Variants in CAPN15 observed in about 807,000 individuals in gnomAD.
CAPN15 encodes calpain 15.
Under a neutral mutation model 97.9 loss-of-function variants are expected in CAPN15, and 53 were observed. That is an observed-to-expected ratio of 0.54 (90% CI 0.43 to 0.68). The LOEUF (loss-of-function observed/expected upper bound fraction) is 0.68. Among genes scored for constraint, CAPN15 ranks in the 30% least tolerant of loss-of-function variants. CAPN15 has a pLI of 0.00. For missense variants in CAPN15, 1,592 were observed against 1,589.8 expected, an observed-to-expected ratio of 1.00 and a Z score of -0.02; for synonymous variants, 922 against 722.5, an observed-to-expected ratio of 1.28 and a Z score of -4.43.
chr16:553,046 GCCCCCGCCCCTGCC>G lies in CAPN15; in HGVS notation c.3083+11_3083+24del, dbSNP rs746341412. On this transcript the variant is annotated splice_donor_region_variant and intron_variant, in intron 13 of 13. Transcript: ENST00000219611. ...TAGCGTGCCACCCCTGCACAGGTGC[GCCCCCGCCCCTGCC>G]CCCCCACCCCTGCACAGGTGCCCCC... The G allele has an allele frequency of 3.3e-5, 46 of 1,375,558 alleles. 1 individual carries two copies. The highest frequency in any genetic ancestry group is 2.7e-4 in the Middle Eastern group (1 of 3,654). 85.2% of individuals were successfully genotyped at this position (1,375,558 alleles called of 1,614,324 possible). A position where few individuals can be genotyped will look rare whatever the true frequency, so the allele number is the denominator to read the frequency against.
Position 549,732 on chromosome 16 carries a change from GC to G in CAPN15, c.1965del (p.Cys656ValfsTer28). The G allele has an allele frequency of 6.3e-7, 1 of 1,581,948 alleles. No homozygotes were observed. Among genetic ancestry groups the G allele is most frequent in the Non-Finnish European group, 8.6e-7 (1 of 1,164,898 alleles). On this transcript the variant is annotated frameshift_variant, in exon 7 of 14. Coordinates refer to ENST00000219611, the MANE Select transcript of CAPN15 (RefSeq NM_005632.3). LOFTEE classifies it high-confidence loss of function. ...AIEGLATLTG[A>X]PCESLALQLS... The stretch of plus-strand genomic sequence containing the variant: ...CGAAGGCCTGGCCACGCTCACCGGC[GC>G]CCCCTGTGAGAGCCTGGCGCTGCAG...
chr16:544,387 C>T (rs1255807960), intron 3 of CAPN15, among the ~76,000 whole-genome samples: 4 of 151,972 alleles, frequency 2.6e-5, no homozygotes, highest in East Asian at 1.9e-4. Context: ...ACCGAGGCCC[C>T]GGGGGACAGA....
rs1241562896 is a variant in CAPN15 at position 535,813 on chromosome 16, GC to G, written c.-136-213del. Reference sequence around the variant, plus strand: ...TGAAACAGCCTGGCCCACAGCAGAGGCCCGGGGGGCACATGCAGCTCACGGG... The same window carrying G: ...TGAAACAGCCTGGCCCACAGCAGAGGCCGGGGGGCACATGCAGCTCACGGG... On this transcript the variant is annotated intron_variant, in intron 2 of 13. Transcript: ENST00000219611. This position sits in a 1 kb window ranked among gnomAD's most constrained non-coding sequence, Gnocchi z 6.2. Among the ~76,000 whole-genome samples the G allele has an allele frequency of 6.6e-6, 1 of 152,056 alleles. No homozygotes were observed. Among genetic ancestry groups the G allele is most frequent in the Non-Finnish European group, 1.5e-5 (1 of 67,970 alleles).
intron 7 of CAPN15, among the ~76,000 whole-genome samples, chr16:550,794 T>G (rs199531309): frequency 4.9e-3 from 8 of 1,632 alleles, no homozygotes; most frequent in South Asian, 0.021. Context: ...TCGGTGAGGG[T>G]CCCGGTCGGT....
intron 7 of CAPN15, among the ~76,000 whole-genome samples, chr16:550,932 C>A (rs1274541267): frequency 9.8e-6 from 1 of 101,846 alleles, no homozygotes; most frequent in Non-Finnish European, 1.8e-5. Flanking sequence ...GGTCCCCTTT[C>A]GGTGAGGGTC....
intron 7 of CAPN15, among the ~76,000 whole-genome samples, chr16:550,236 C>T (rs2034894558): frequency 6.6e-6 from 1 of 152,226 alleles, no homozygotes; most frequent in Admixed American, 6.5e-5. Context: ...CAGGGGCCTC[C>T]TCGGAGTGCC....
At position 547,932 on chromosome 16, in the gene CAPN15, G is replaced by A. The variant is rs1330663140; in HGVS notation, c.1094G>A (p.Cys365Tyr). 1 of 1,603,036 alleles carries A rather than the reference G, an allele frequency of 6.2e-7. No individual in the cohort carries two copies. Among genetic ancestry groups the A allele is most frequent in the Admixed American group, 1.7e-5 (1 of 59,090 alleles). The change falls in exon 4 of 14, where the codon TGC (cysteine) becomes TAC (tyrosine). Residue 365 changes from cysteine to tyrosine, a missense_variant. By Grantham distance (194) the Cys-to-Tyr change is radical. Around this residue, in one of 3 missense-constraint regions of CAPN15, gnomAD observed 883 missense variants for 776.6 expected, o/e 1.14. Transcript: ENST00000219611. ...GCCCCCAGGTGCTCGGCCTGCGGCT[G>A]CTCCAAACTGCACGGCTTCCAGGAG... ...TVAPRCSACG[C>Y]SKLHGFQEHG...
At chr16:549,527 C>A in intron 6 of CAPN15, 56 bp downstream of exon 6, 1 of 1,526,228 alleles carries the variant, frequency 6.6e-7, no homozygotes, top group South Asian at 1.2e-5. Context: ...GACCCCAGCC[C>A]CGAAAACAAG....
chr16:532,061 G>A (rs865954175), intron 1 of CAPN15, among the ~76,000 whole-genome samples: 4 of 152,018 alleles, frequency 2.6e-5, no homozygotes, highest in African/African-American at 7.2e-5. Context: ...CCAAAATGGC[G>A]AAACCCCATC....
rs2035295740 is a variant in CAPN15, at chr16:554,243, TGCCAGAGAGGGACCCCA to T, written c.*730_*746del. The stretch of plus-strand genomic sequence containing the variant: ...CCAACCCTGTCCCTCGGCCCGGCCC[TGCCAGAGAGGGACCCCA>T]GCACATCGTGGGCACGGGCAGGGCT... On this transcript the variant is annotated 3_prime_UTR_variant, in exon 14 of 14. Coordinates refer to ENST00000219611, the MANE Select transcript of CAPN15 (RefSeq NM_005632.3). The T allele has an allele frequency of 3.0e-6, 1 of 331,396 alleles. No homozygotes were observed. Among genetic ancestry groups the T allele is most frequent in the Admixed American group, 3.9e-5 (1 of 25,642 alleles). 20.5% of individuals were successfully genotyped at this position (331,396 alleles called of 1,614,324 possible). A position where few individuals can be genotyped will look rare whatever the true frequency, so the allele number is the denominator to read the frequency against.
At position 545,977 on chromosome 16, in the gene CAPN15, A is replaced by G. The variant is rs1374811733; in HGVS notation, c.-22-840A>G. 2.0e-5 allele frequency among the ~76,000 whole-genome samples: 3 copies of G among 152,316 alleles called. No individual in the cohort carries two copies. In the East Asian group the frequency reaches 5.8e-4, roughly 29 times the overall value. ...ATGGCGGGGAGAGGCCTGGCTGTCT[A>G]CGGGCAGATTGCTTGGGCTTTCACA... On this transcript the variant is annotated intron_variant, in intron 3 of 13. Transcript: ENST00000219611.
chr16:551,213 G>T, intron 7 of CAPN15, 89 bp from the exon 8 acceptor site: 1 of 1,486,288 alleles, frequency 6.7e-7, no homozygotes, highest in African/African-American at 1.5e-5. Context: ...TCCCCAGTCG[G>T]TGAGGGTCCC....
chr16:536,972 G>A (rs1596326025), intron 3 of CAPN15: 1 of 246,900 alleles, frequency 4.1e-6, no homozygotes, highest in Non-Finnish European at 6.5e-6. Flanking sequence ...CAGGGCCCCC[G>A]GCACCCCTCA....
rs2035150511 is a variant in CAPN15 at position 552,341 on chromosome 16, A to G, written c.2548A>G (p.Ile850Val). The G allele has an allele frequency of 3.1e-6, 5 of 1,590,486 alleles. No individual in the cohort carries two copies. Among genetic ancestry groups the G allele is most frequent in the Non-Finnish European group, 4.3e-6 (5 of 1,173,184 alleles). ...AVDSHLLDLC[I>V]LVFRATFGSG... is the part of the protein sequence containing the mutation. ...GGACAGCCACCTGCTGGACCTGTGC[A>G]TCCTGGTGTTCCGGGCCACGTTCGG... is the stretch of plus-strand genomic sequence containing the variant. The change falls in exon 11 of 14, where the codon ATC (isoleucine) becomes GTC (valine). Residue 850 changes from isoleucine to valine, a missense_variant. Transcript: ENST00000219611. This position sits in a 1 kb window ranked among gnomAD's most constrained non-coding sequence, Gnocchi z 6.4.
In CAPN15 at chr16:537,032, A is replaced by G. The variant is rs538802816; in HGVS notation, c.-23+890A>G. 3.4e-4 allele frequency: 202 copies of G among 595,312 alleles called. No individual in the cohort carries two copies. The African/African-American group carries it at 3.8e-3, about 11-fold the overall frequency. 36.9% of individuals were successfully genotyped at this position (595,312 alleles called of 1,614,324 possible). A position where few individuals can be genotyped will look rare whatever the true frequency, so the allele number is the denominator to read the frequency against. On this transcript the variant is annotated intron_variant, in intron 3 of 13. Transcript: ENST00000219611. ...CGGATCGGGGCGGTTCAGCGATACC[A>G]TCTCTGGAGATCCCCTGGCGTGTGC... is the stretch of plus-strand genomic sequence containing the variant.
chr16:546,057 C>T (rs892940029), intron 3 of CAPN15, among the ~76,000 whole-genome samples: 3 of 152,232 alleles, frequency 2.0e-5, no homozygotes, highest in African/African-American at 4.8e-5. Context: ...TCCAGCTGGA[C>T]GCCCTGAGCC....
At chr16:551,917 G>A in intron 9 of CAPN15, 134 bp from the exon 10 acceptor site, 1 of 1,103,948 alleles carries the variant, frequency 9.1e-7, no homozygotes, top group Non-Finnish European at 1.3e-6. Flanking sequence ...GGCCCCCGGG[G>A]GCCGGGCTGC....
Position 527,913 on chromosome 16 carries a change from C to A in CAPN15, c.-306C>A, listed in dbSNP as rs892346764. 6.8e-6 allele frequency: 1 copy of A among 146,060 alleles called. No individual in the cohort carries two copies. 9.0% of individuals were successfully genotyped at this position (146,060 alleles called of 1,614,324 possible). ...GCAGCGCGGCCGGCGGCGAGAGGGG[C>A]CCCGCCGCTCTCCGGAGGCAGAAGT... is the stretch of plus-strand genomic sequence containing the variant. On this transcript the variant is annotated 5_prime_UTR_variant, in exon 1 of 14. Coordinates refer to ENST00000219611, the MANE Select transcript of CAPN15 (RefSeq NM_005632.3).
At position 553,844 on chromosome 16, in the gene CAPN15, G is replaced by T; in HGVS notation, c.*328G>T. 1 of 266,594 alleles carries T rather than the reference G, an allele frequency of 3.8e-6. No individual in the cohort carries two copies. Among genetic ancestry groups the T allele is most frequent in the Non-Finnish European group, 7.1e-6 (1 of 140,602 alleles). The allele number at this position is 266,594 out of a possible 1,614,324, so 16.5% of individuals were successfully genotyped here. A position where few individuals can be genotyped will look rare whatever the true frequency, so the allele number is the denominator to read the frequency against. On this transcript the variant is annotated 3_prime_UTR_variant, in exon 14 of 14. Transcript: ENST00000219611. ...CCTCCCTGTGGGCTCAGGGTCTCCT[G>T]CGGGCTAGGCAGCCAGGAGCTCTGT...
Sources: allele counts gnomAD v4.1 joint callset (sites outside exome capture counted in the v4.1 genomes callset), GRCh38; gene constraint gnomAD v4.1.1; regional missense constraint gnomAD v4.1.1; non-coding constraint Gnocchi (gnomAD v3.1); transcripts MANE v1.5; gene names NCBI Gene and HGNC (gene_info 2026-07-23, HGNC 2026-07-21).